The following IQCH variants were observed in gnomAD, a reference collection of about 807,000 sequenced individuals.
IQCH encodes IQ domain-containing protein H.
IQCH carries 98 observed loss-of-function variants against 117.0 expected under a neutral mutation model. The observed-to-expected ratio is 0.84, with a 90% CI of 0.71 to 0.99. The LOEUF (loss-of-function observed/expected upper bound fraction) is 0.99, where lower values mean the gene tolerates loss of function less well. Among genes scored for constraint, IQCH ranks in the 50% least tolerant of loss-of-function variants. The pLI is 0.00. For synonymous variants in IQCH, 412 were observed against 448.2 expected (o/e 0.92, Z 1.02); for missense variants, 1,102 against 1,243.8 (o/e 0.89, Z 1.72).
At chr15:67,428,666 T>C (rs1345828897) in intron 16 of IQCH, among the ~76,000 whole-genome samples, 2 of 152,044 alleles carry the variant, frequency 1.3e-5, no homozygotes, top group African/African-American at 2.4e-5. Flanking sequence ...CTGACCAATA[T>C]GGTGAAACCC....
At chr15:67,258,731 C>T (rs998894143) in intron 1 of IQCH, among the ~76,000 whole-genome samples, 1 of 152,054 alleles carries the variant, frequency 6.6e-6, no homozygotes, top group Admixed American at 6.6e-5. Context: ...GCTCTGTCTC[C>T]AAATTGTCAA....
At chr15:67,428,120 C>G (rs1375764247) in intron 16 of IQCH, among the ~76,000 whole-genome samples, 3 of 152,204 alleles carry the variant, frequency 2.0e-5, no homozygotes, top group Non-Finnish European at 1.5e-5. Flanking sequence ...GCCACTGCAC[C>G]TGATCTCCAA....
chr15:67,400,491 C>T (rs5813445), intron 14 of IQCH, among the ~76,000 whole-genome samples, 186 bp downstream of exon 14: 19 of 115,538 alleles, frequency 1.6e-4, no homozygotes, highest in South Asian at 3.0e-4. Flanking sequence ...TCTTTTTTTT[C>T]TTTTTTTTTT....
rs2082425396 is a variant in IQCH at position 67,447,894 on chromosome 15, T to G, written c.2506-17233T>G. Among the ~76,000 whole-genome samples, 1 of 152,194 alleles carries G rather than the reference T, an allele frequency of 6.6e-6. No homozygotes were observed. Among genetic ancestry groups the G allele is most frequent in the Non-Finnish European group, 1.5e-5 (1 of 68,034 alleles). ...GAGCCAGATTTATGCTAATATATAT[T>G]CTTTCTTCCAGATCATGACTGCTTA... On this transcript the variant is annotated intron_variant, in intron 16 of 20. Coordinates refer to ENST00000335894, the MANE Select transcript of IQCH (RefSeq NM_001031715.3). This position sits in a 1 kb window ranked among gnomAD's most constrained non-coding sequence, Gnocchi z 5.3.
chr15:67,313,407 C>T (rs1343657007), intron 4 of IQCH, among the ~76,000 whole-genome samples: 3 of 152,090 alleles, frequency 2.0e-5, no homozygotes, highest in African/African-American at 7.2e-5. Flanking sequence ...TCGTCAGGGC[C>T]ACAGTCCTGG....
Position 67,416,130 on chromosome 15 carries a change from C to A in IQCH, c.2098-801C>A, listed in dbSNP as rs2081569707. On this transcript the variant is annotated intron_variant, in intron 14 of 20. Transcript: ENST00000335894. The surrounding 1 kb of genome is among the most constrained non-coding windows in gnomAD (Gnocchi z 5.1). ...AGGTGCGGTGGCTCACACCTGTAAT[C>A]CCAACACTTTGGGAGGCCAAGGCGG... Among the ~76,000 whole-genome samples, 1 of 152,140 alleles carries A rather than the reference C, an allele frequency of 6.6e-6. No homozygotes were observed. Among genetic ancestry groups the A allele is most frequent in the Non-Finnish European group, 1.5e-5 (1 of 68,016 alleles).
At position 67,465,108 on chromosome 15, in the gene IQCH, C is replaced by T. The variant is rs532020683; in HGVS notation, c.2506-19C>T. On this transcript the variant is annotated intron_variant, in intron 16 of 20. Transcript: ENST00000335894. This position sits in a 1 kb window ranked among gnomAD's most constrained non-coding sequence, Gnocchi z 5.9. ...TTTGCTGATTTCACCCTCACTTCTACGGCTCCTGTTTTAATCAGGTGTGGG... is the reference window on the plus strand; with the variant it reads ...TTTGCTGATTTCACCCTCACTTCTATGGCTCCTGTTTTAATCAGGTGTGGG... 2.7e-5 allele frequency: 43 copies of T among 1,610,482 alleles called. No homozygotes were observed. The highest frequency in any genetic ancestry group is 1.9e-4 in the South Asian group (17 of 90,730).
At chr15:67,340,426 C>CAAAAAAAAAAAAAAAAAAAAAAAAAAAAA (rs57244130) in intron 5 of IQCH, among the ~76,000 whole-genome samples, 3 of 62,658 alleles carry the variant, frequency 4.8e-5, no homozygotes, top group African/African-American at 6.5e-5. Context: ...TACTCCATCT[C>CAAAAAAAAAAAAAAAAAAAAAAAAAAAAA]AAAAAAAAAA....
rs1235537669 is a variant in IQCH, at chr15:67,496,988, G to A, written c.2970+2622G>A. Among the ~76,000 whole-genome samples the A allele has an allele frequency of 1.7e-4, 23 of 135,964 alleles. No individual in the cohort carries two copies. In the East Asian group the frequency reaches 4.1e-3, roughly 24 times the overall value. The allele number at this position is 135,964 out of a possible 152,430, so 89.2% of individuals were successfully genotyped here. On this transcript the variant is annotated intron_variant, in intron 20 of 20. Transcript: ENST00000335894. The surrounding 1 kb of genome is among the most constrained non-coding windows in gnomAD (Gnocchi z 4.4). ...AGCCGAGATTGCGCCACTGCAGTCC[G>A]CAGTCCGGCCTGGGCGACAGAGCGA...
At chr15:67,301,685 C>T (rs1967053818) in intron 4 of IQCH, among the ~76,000 whole-genome samples, 1 of 152,024 alleles carries the variant, frequency 6.6e-6, no homozygotes, top group African/African-American at 2.4e-5. Context: ...GCTGGGATTA[C>T]AGGAGTGAGC....
intron 4 of IQCH, among the ~76,000 whole-genome samples, chr15:67,336,162 C>G (rs966055088): frequency 2.6e-5 from 4 of 152,100 alleles, no homozygotes; most frequent in African/African-American, 9.6e-5. Context: ...AAATAGCAAA[C>G]TGTTACCTAG....
Position 67,459,932 on chromosome 15 carries a change from G to C in IQCH, c.2506-5195G>C, listed in dbSNP as rs2082749296. On this transcript the variant is annotated intron_variant, in intron 16 of 20. Transcript: ENST00000335894. The surrounding 1 kb of genome is among the most constrained non-coding windows in gnomAD (Gnocchi z 4.2). Reference sequence around the variant, plus strand: ...GGAGGCCAAGGCGAGAGTATCATTTGAACGCAGGAGTTTGAGACCAGCCTG... The same window carrying C: ...GGAGGCCAAGGCGAGAGTATCATTTCAACGCAGGAGTTTGAGACCAGCCTG... 3.9e-5 allele frequency: 6 copies of C among 152,176 alleles called. No homozygotes were observed. Among genetic ancestry groups the C allele is most frequent in the Admixed American group, 2.0e-4 (3 of 15,278 alleles). The allele number at this position is 152,176 out of a possible 1,614,324, so 9.4% of individuals were successfully genotyped here.
chr15:67,370,380 T>G lies in IQCH; in HGVS notation c.754-1731T>G, dbSNP rs895016975. Among the ~76,000 whole-genome samples, 1 of 152,252 alleles carries G rather than the reference T, an allele frequency of 6.6e-6. No homozygotes were observed. Among genetic ancestry groups the G allele is most frequent in the African/African-American group, 2.4e-5 (1 of 41,470 alleles). ...CCAGCCAGCTCCATACATGTCCATC[T>G]GTGATTATTTTGCATGTCTGTTTCT... On this transcript the variant is annotated intron_variant, in intron 8 of 20. Coordinates refer to ENST00000335894, the MANE Select transcript of IQCH (RefSeq NM_001031715.3). The surrounding 1 kb of genome is among the most constrained non-coding windows in gnomAD (Gnocchi z 5.6).
At chr15:67,308,212 C>T (rs1161629013) in intron 4 of IQCH, among the ~76,000 whole-genome samples, 1 of 152,158 alleles carries the variant, frequency 6.6e-6, no homozygotes, top group Non-Finnish European at 1.5e-5. Context: ...TTCTGTGCTG[C>T]TTCTGTTCTC....
chr15:67,293,160 T>G (rs181134651), intron 4 of IQCH, among the ~76,000 whole-genome samples: 92 of 152,362 alleles, frequency 6.0e-4, no homozygotes, highest in African/African-American at 2.1e-3. Flanking sequence ...TGTATAAGTA[T>G]TATTGTTCTT....
rs35806920 is a variant in IQCH, at chr15:67,413,070, GGTGTGTGTGT to G, written c.2098-3840_2098-3831del. On this transcript the variant is annotated intron_variant, in intron 14 of 20. Transcript: ENST00000335894. The surrounding 1 kb of genome is among the most constrained non-coding windows in gnomAD (Gnocchi z 5.0). ...ATTGGAGTGTTTGTCTGTTATGGAA[GGTGTGTGTGT>G]GTGTGTGTGTGTGTGTGTGTCTGTG... Among the ~76,000 whole-genome samples the G allele has an allele frequency of 5.4e-5, 8 of 147,960 alleles. No individual in the cohort carries two copies. Among genetic ancestry groups the G allele is most frequent in the African/African-American group, 1.7e-4 (7 of 40,528 alleles).
chr15:67,412,738 G>T (rs1302030623), intron 14 of IQCH, among the ~76,000 whole-genome samples: 1 of 152,126 alleles, frequency 6.6e-6, no homozygotes, highest in Non-Finnish European at 1.5e-5. Flanking sequence ...ATGTGCCCCT[G>T]TTGCTGGCTT....
chr15:67,355,734 T>C (rs1969866543), intron 6 of IQCH, among the ~76,000 whole-genome samples: 1 of 152,190 alleles, frequency 6.6e-6, no homozygotes, highest in African/African-American at 2.4e-5. Flanking sequence ...AAATAGGCAG[T>C]GCATTAGGAT....
chr15:67,260,123 T>C (rs1159789435), intron 1 of IQCH, among the ~76,000 whole-genome samples: 1 of 152,256 alleles, frequency 6.6e-6, no homozygotes, highest in Non-Finnish European at 1.5e-5. Context: ...ATTTGCAGAT[T>C]GTTATTGGTG....
Sources: allele counts gnomAD v4.1 joint callset (sites outside exome capture counted in the v4.1 genomes callset), GRCh38; gene constraint gnomAD v4.1.1; non-coding constraint Gnocchi (gnomAD v3.1); transcripts MANE v1.5; gene names NCBI Gene and HGNC (gene_info 2026-07-23, HGNC 2026-07-21).